Variants in NR1D2 observed in about 807,000 individuals in gnomAD.
The protein encoded by NR1D2 is nuclear receptor subfamily 1 group D member 2, also known as V-erbA-related protein 1-related.
A neutral mutation model predicts 52.2 loss-of-function variants in NR1D2; 25 were observed. That is an observed-to-expected ratio of 0.48 (90% CI 0.35 to 0.67). The LOEUF is 0.67. Among genes scored for constraint, NR1D2 ranks in the 30% least tolerant of loss-of-function variants. The pLI, the probability that NR1D2 is intolerant of heterozygous loss-of-function variation, is 0.01. For missense variants in NR1D2, 681 were observed against 707.2 expected (o/e 0.96, Z 0.42); for synonymous variants, 259 against 230.1 (o/e 1.13, Z -1.14).
intron 1 of NR1D2, among the ~76,000 whole-genome samples, chr3:23,950,429 C>T (rs1389994166): frequency 1.3e-5 from 2 of 152,204 alleles, no homozygotes; most frequent in Admixed American, 6.5e-5. Context: ...GAAATTGTGT[C>T]ATTTTATTCC....
Position 23,979,266 on chromosome 3 carries a change from A to G in NR1D2, c.*1847A>G, listed in dbSNP as rs1172872770. 1.3e-5 allele frequency: 2 copies of G among 152,158 alleles called. No homozygotes were observed. The highest frequency in any genetic ancestry group is 4.8e-5 in the African/African-American group (2 of 41,458). The allele number at this position is 152,158 out of a possible 1,614,324, so 9.4% of individuals were successfully genotyped here. On this transcript the variant is annotated 3_prime_UTR_variant, in exon 8 of 8. Coordinates refer to ENST00000312521, the MANE Select transcript of NR1D2 (RefSeq NM_005126.5). Reference sequence around the variant, plus strand: ...TAATTGTGATTTACCTTAAGTAGGTATAACTCTTATGGGATATACAGTATA... The same window carrying G: ...TAATTGTGATTTACCTTAAGTAGGTGTAACTCTTATGGGATATACAGTATA...
intron 6 of NR1D2, among the ~76,000 whole-genome samples, chr3:23,967,138 C>G (rs1706468270): frequency 6.6e-6 from 1 of 151,764 alleles, no homozygotes; most frequent in Non-Finnish European, 1.5e-5. Context: ...CCAGCCTGGT[C>G]AACATGGTGA....
chr3:23,954,341 A>G (rs1278734254), intron 1 of NR1D2, among the ~76,000 whole-genome samples, 196 bp from the exon 2 acceptor site: 2 of 152,198 alleles, frequency 1.3e-5, no homozygotes, highest in Non-Finnish European at 2.9e-5. Context: ...TGGGAGTTAC[A>G]TGTGCTTTGA....
intron 1 of NR1D2, among the ~76,000 whole-genome samples, chr3:23,945,849 G>C (rs1705670034): frequency 6.6e-6 from 1 of 150,546 alleles, no homozygotes; most frequent in South Asian, 2.1e-4. Context: ...TGGCCCGGCC[G>C]CGCGAGCCAC....
At chr3:23,965,603 A>T (rs956281254) in intron 6 of NR1D2, among the ~76,000 whole-genome samples, 2 of 152,070 alleles carry the variant, frequency 1.3e-5, no homozygotes, top group African/African-American at 4.8e-5. Context: ...GAAACTATCA[A>T]CAAAATAATC....
At chr3:23,954,439 C>G (rs1034701087) in intron 1 of NR1D2, 98 bp from the exon 2 acceptor site, 7 of 979,274 alleles carry the variant, frequency 7.1e-6, no homozygotes, top group African/African-American at 1.6e-5. Flanking sequence ...TATCAGTATC[C>G]TGTTTCTAAA....
chr3:23,980,122 G>C lies in NR1D2; in HGVS notation c.*2703G>C, dbSNP rs1706838490. 1 of 152,036 alleles carries C rather than the reference G, an allele frequency of 6.6e-6. No individual in the cohort carries two copies. The highest frequency in any genetic ancestry group is 2.1e-4 in the South Asian group (1 of 4,822). 9.4% of individuals were successfully genotyped at this position (152,036 alleles called of 1,614,324 possible). ...AGAAGGAAATTTCAGTGGATTAAGTGTATAGCTTTCATATCTACATTTCAA... is the reference window on the plus strand; with the variant it reads ...AGAAGGAAATTTCAGTGGATTAAGTCTATAGCTTTCATATCTACATTTCAA... On this transcript the variant is annotated 3_prime_UTR_variant, in exon 8 of 8. Coordinates refer to ENST00000312521, the MANE Select transcript of NR1D2 (RefSeq NM_005126.5).
At chr3:23,948,384 A>G (rs1705832063) in intron 1 of NR1D2, among the ~76,000 whole-genome samples, 1 of 152,174 alleles carries the variant, frequency 6.6e-6, no homozygotes. Flanking sequence ...CCTTGGAGCA[A>G]GGAAAAGCAA....
At chr3:23,949,375 A>C (rs948967622) in intron 1 of NR1D2, among the ~76,000 whole-genome samples, 55 of 151,718 alleles carry the variant, frequency 3.6e-4, no homozygotes, top group Non-Finnish European at 1.8e-4. Context: ...AAAAAAAAAA[A>C]CAACAAAAAA....
chr3:23,964,788 A>G (rs1285253958), intron 5 of NR1D2, 189 bp from the exon 6 acceptor site: 3 of 471,188 alleles, frequency 6.4e-6, no homozygotes, highest in Non-Finnish European at 7.4e-6. Context: ...TGCTATTTAT[A>G]TTAGGTTGCC....
chr3:23,962,419 A>G lies in NR1D2; in HGVS notation c.960A>G (p.Gly320=). ...PCSESQQHLN[G]QFKGRNIMHY... Reference sequence around the variant, plus strand: ...GTGAGAGCCAGCAGCATCTCAATGGACAGTTCAAAGGGAGGAATATAATGC... The same window carrying G: ...GTGAGAGCCAGCAGCATCTCAATGGGCAGTTCAAAGGGAGGAATATAATGC... Residue 320 remains glycine, a synonymous_variant, in exon 5 of 8, where the codon GGA becomes GGG. Transcript: ENST00000312521. 1 of 1,614,186 alleles carries G rather than the reference A, an allele frequency of 6.2e-7. No individual in the cohort carries two copies. The highest frequency in any genetic ancestry group is 1.7e-4 in the Middle Eastern group (1 of 6,060).
At chr3:23,961,947 A>G (rs760751130) in intron 4 of NR1D2, 30 bp from the exon 5 acceptor site, 1 of 1,548,756 alleles carries the variant, frequency 6.5e-7, no homozygotes, top group Admixed American at 2.0e-5. Flanking sequence ...TATTTAGAAT[A>G]TAGACGTTAA....
rs1333922471 is a variant in NR1D2, at chr3:23,945,749, CGCCCCCCGG to C, written c.16+159_16+167del. On this transcript the variant is annotated intron_variant, in intron 1 of 7. Coordinates refer to ENST00000312521, the MANE Select transcript of NR1D2 (RefSeq NM_005126.5). ...TGTCCGCCTCTGGCTCGGTTCCCAT[CGCCCCCCGG>C]GCCGCCCGGCGCCCGCCCTCTTGTC... Among the ~76,000 whole-genome samples the C allele has an allele frequency of 3.3e-5, 5 of 150,416 alleles. No homozygotes were observed. The East Asian group carries it at 9.8e-4, about 30-fold the overall frequency.
chr3:23,972,288 A>G (rs1706609233), intron 7 of NR1D2, among the ~76,000 whole-genome samples: 2 of 152,224 alleles, frequency 1.3e-5, no homozygotes, highest in South Asian at 4.1e-4. Context: ...TCCATTTTTA[A>G]TTACTGGCTA....
Position 23,954,625 on chromosome 3 carries a change from C to G in NR1D2, c.105C>G (p.Ser35=), listed in dbSNP as rs778365984. ...HSEGSENSFQ[S]SSSSVPSSPN... ...AGGGTTCTGAGAATAGTTTCCAGTC[C>G]TCCTCCTCTTCTGTTCCATCTTCTC... is the stretch of plus-strand genomic sequence containing the variant. Residue 35 remains serine, a synonymous_variant, in exon 2 of 8, where the codon TCC becomes TCG. Transcript: ENST00000312521. The G allele has an allele frequency of 3.1e-6, 5 of 1,613,600 alleles. No homozygotes were observed. In the African/African-American group the frequency reaches 5.3e-5, roughly 17 times the overall value.
chr3:23,946,130 C>G, intron 1 of NR1D2: 2 of 985,094 alleles, frequency 2.0e-6, no homozygotes, highest in Non-Finnish European at 2.4e-6. Flanking sequence ...TCCCTCCTCC[C>G]CCGCGGGGTT....
chr3:23,959,581 C>T, intron 3 of NR1D2, 90 bp from the exon 4 acceptor site: 1 of 1,244,478 alleles, frequency 8.0e-7, no homozygotes, highest in Non-Finnish European at 1.1e-6. Flanking sequence ...TGTAGTTCGT[C>T]ATATACACTA....
intron 7 of NR1D2, among the ~76,000 whole-genome samples, chr3:23,970,566 C>A (rs1488079256): frequency 1.3e-5 from 2 of 151,970 alleles, no homozygotes; most frequent in African/African-American, 2.4e-5. Flanking sequence ...TTCGCCTATC[C>A]ATCTATCCAT....
intron 7 of NR1D2, among the ~76,000 whole-genome samples, 200 bp from the exon 8 acceptor site, chr3:23,977,023 T>C (rs934727596): frequency 1.3e-5 from 2 of 152,180 alleles, no homozygotes; most frequent in Non-Finnish European, 2.9e-5. Flanking sequence ...TTTTATGTGA[T>C]ATATATGCTT....
Sources: allele counts gnomAD v4.1 joint callset (sites outside exome capture counted in the v4.1 genomes callset), GRCh38; gene constraint gnomAD v4.1.1; transcripts MANE v1.5; gene names NCBI Gene and HGNC (gene_info 2026-07-23, HGNC 2026-07-21).